The following PDE8A variants were observed in gnomAD, a reference collection of about 807,000 sequenced individuals.
PDE8A encodes the protein high affinity cAMP-specific and IBMX-insensitive 3',5'-cyclic phosphodiesterase 8A.
PDE8A carries 59 observed loss-of-function variants against 105.0 expected under a neutral mutation model. The ratio of observed to expected loss-of-function variants is 0.56; its 90% CI spans 0.46 to 0.70. PDE8A has a LOEUF of 0.70. Ranked by LOEUF, PDE8A falls within the 30% of genes least tolerant of loss-of-function variation. The pLI, the probability that PDE8A is intolerant of heterozygous loss-of-function variation, is 0.00. For synonymous variants in PDE8A, 355 were observed against 371.9 expected (o/e 0.95, Z 0.52); for missense variants, 1,014 against 1,045.9 (o/e 0.97, Z 0.42).
rs371799625 is a variant in PDE8A at position 85,089,330 on chromosome 15, T to G, written c.636-8T>G. The G allele has an allele frequency of 1.4e-6, 2 of 1,467,082 alleles. No homozygotes were observed. The highest frequency in any genetic ancestry group is 2.4e-5 in the South Asian group (2 of 83,674). 90.9% of individuals were successfully genotyped at this position (1,467,082 alleles called of 1,614,324 possible). Reference sequence around the variant, plus strand: ...ATTAATCATTCCTTTTTTTGTTTACTCATAAAGGGCTTGTAACTCAGTATT... The same window carrying G: ...ATTAATCATTCCTTTTTTTGTTTACGCATAAAGGGCTTGTAACTCAGTATT... On this transcript the variant is annotated splice_polypyrimidine_tract_variant and splice_region_variant and intron_variant, in intron 6 of 21. Coordinates refer to ENST00000394553, the MANE Select transcript of PDE8A (RefSeq NM_002605.3).
chr15:85,004,194 A>AAT (rs2080109800), intron 1 of PDE8A, among the ~76,000 whole-genome samples: 6 of 152,126 alleles, frequency 3.9e-5, no homozygotes, highest in Admixed American at 6.5e-5. Flanking sequence ...CCCCTTTGCC[A>AAT]TGCATAATAG....
At chr15:85,048,171 T>C (rs1299901175) in intron 1 of PDE8A, among the ~76,000 whole-genome samples, 1 of 152,160 alleles carries the variant, frequency 6.6e-6, no homozygotes, top group Non-Finnish European at 1.5e-5. Context: ...TTTTTAAGTT[T>C]TCTAAGGAGG....
At chr15:85,019,603 C>CA (rs2080386641) in intron 1 of PDE8A, among the ~76,000 whole-genome samples, 1 of 151,724 alleles carries the variant, frequency 6.6e-6, no homozygotes. Context: ...GTTTTGGAGT[C>CA]AGAGTTTCGC....
At chr15:85,067,281 A>T in intron 3 of PDE8A, 77 bp downstream of exon 3, 1 of 1,031,242 alleles carries the variant, frequency 9.7e-7, no homozygotes, top group Non-Finnish European at 1.4e-6. Context: ...AGATTAAATT[A>T]GACTCACTCT....
At chr15:84,983,568 A>G (rs2079754723) in intron 1 of PDE8A, among the ~76,000 whole-genome samples, 1 of 152,220 alleles carries the variant, frequency 6.6e-6, no homozygotes, top group Non-Finnish European at 1.5e-5. Context: ...TCTGATTATC[A>G]GAAATTGAAT....
At chr15:85,055,943 G>A (rs933508198) in intron 1 of PDE8A, among the ~76,000 whole-genome samples, 4 of 152,184 alleles carry the variant, frequency 2.6e-5, no homozygotes, top group Non-Finnish European at 5.9e-5. Flanking sequence ...GCAGTGGCTG[G>A]TACTGGTTGT....
At chr15:85,065,344 A>C (rs1440687078) in intron 2 of PDE8A, among the ~76,000 whole-genome samples, 2 of 50,818 alleles carry the variant, frequency 3.9e-5, no homozygotes, top group Admixed American at 3.0e-4. Flanking sequence ...GGGAGGGGGG[A>C]GGGGGGAGGG....
intron 5 of PDE8A, among the ~76,000 whole-genome samples, chr15:85,082,765 A>G (rs1314160482): frequency 1.3e-5 from 2 of 152,170 alleles, no homozygotes; most frequent in East Asian, 3.8e-4. Context: ...GAAATGGGGG[A>G]GTAATGTTCA....
chr15:84,984,340 TA>T (rs2079767906), intron 1 of PDE8A, among the ~76,000 whole-genome samples: 1 of 152,234 alleles, frequency 6.6e-6, no homozygotes, highest in South Asian at 2.1e-4. Flanking sequence ...TCTAGTCTAA[TA>T]TTTTTTCTTT....
intron 20 of PDE8A, among the ~76,000 whole-genome samples, chr15:85,132,280 A>G (rs1169316588): frequency 6.6e-6 from 1 of 151,994 alleles, no homozygotes; most frequent in Non-Finnish European, 1.5e-5. Flanking sequence ...TATTTCTTCA[A>G]ATAATCTCTG....
At chr15:85,084,706 G>A (rs977043388) in intron 6 of PDE8A, among the ~76,000 whole-genome samples, 2 of 152,198 alleles carry the variant, frequency 1.3e-5, no homozygotes, top group South Asian at 2.1e-4. Context: ...CTTGTAAGCA[G>A]CAAATGGCAA....
At chr15:85,124,530 C>T (rs1327738104) in intron 19 of PDE8A, among the ~76,000 whole-genome samples, 2 of 152,188 alleles carry the variant, frequency 1.3e-5, no homozygotes, top group Non-Finnish European at 2.9e-5. Flanking sequence ...TCCTTGACTT[C>T]TAACTCCATT....
intron 1 of PDE8A, among the ~76,000 whole-genome samples, chr15:85,003,500 C>T (rs2080098341): frequency 6.6e-6 from 1 of 152,186 alleles, no homozygotes; most frequent in Non-Finnish European, 1.5e-5. Context: ...GAGCGCCCCT[C>T]AGAGGAGGTG....
intron 3 of PDE8A, among the ~76,000 whole-genome samples, chr15:85,071,731 T>A (rs2081313991): frequency 6.6e-6 from 1 of 152,194 alleles, no homozygotes; most frequent in Non-Finnish European, 1.5e-5. Context: ...AAGGAAACTC[T>A]TGTGACCCTC....
rs369714445 is a variant in PDE8A, at chr15:85,017,193, A to G, written c.186+34845A>G. Reference sequence around the variant, plus strand: ...GGAGAATGGCGTGAACCCGGGAAGCAGAGCTTGCAGTGAGCCGAGATTGCG... The same window carrying G: ...GGAGAATGGCGTGAACCCGGGAAGCGGAGCTTGCAGTGAGCCGAGATTGCG... On this transcript the variant is annotated intron_variant, in intron 1 of 21. Transcript: ENST00000394553. Among the ~76,000 whole-genome samples the G allele has an allele frequency of 7.6e-4, 116 of 151,734 alleles. 5 individuals are homozygous for G. The East Asian group carries it at 0.012, about 16-fold the overall frequency.
At chr15:85,093,982 C>T (rs2081696478) in intron 8 of PDE8A, among the ~76,000 whole-genome samples, 1 of 152,134 alleles carries the variant, frequency 6.6e-6, no homozygotes, top group African/African-American at 2.4e-5. Context: ...ACTTCAGCCT[C>T]CCAAGTAGCT....
chr15:84,994,977 G>A (rs1025491193), intron 1 of PDE8A, among the ~76,000 whole-genome samples: 2 of 151,224 alleles, frequency 1.3e-5, no homozygotes, highest in African/African-American at 4.9e-5. Flanking sequence ...AAAAAAAAGA[G>A]AGAAAAAGCA....
At chr15:85,026,174 T>C (rs1036801130) in intron 1 of PDE8A, among the ~76,000 whole-genome samples, 12 of 152,138 alleles carry the variant, frequency 7.9e-5, no homozygotes, top group African/African-American at 2.7e-4. Flanking sequence ...ACCCCAAACT[T>C]AGTGACATTA....
chr15:85,057,708 C>T (rs753417480), intron 1 of PDE8A, among the ~76,000 whole-genome samples: 2 of 151,992 alleles, frequency 1.3e-5, no homozygotes, highest in Non-Finnish European at 2.9e-5. Flanking sequence ...TGAGGTAGTT[C>T]CCTTCTATTT....
Sources: gnomAD v4.1 joint callset for allele counts (sites outside exome capture counted in the v4.1 genomes callset) on GRCh38, gnomAD v4.1.1 for gene constraint, MANE v1.5 for transcripts, NCBI Gene and HGNC (gene_info 2026-07-23, HGNC 2026-07-21) for gene names.